The following XKR6 variants were observed in gnomAD, a reference collection of about 807,000 sequenced individuals.
XKR6 encodes the protein XK-related protein 6.
Under a neutral mutation model 56.7 loss-of-function variants are expected in XKR6, and 22 were observed. That is an observed-to-expected ratio of 0.39 (90% CI 0.28 to 0.55). XKR6 has a LOEUF of 0.55. XKR6 is among the 20% of genes least tolerant of loss of function. The pLI is 0.66. For missense variants in XKR6, 852 were observed against 889.0 expected, an observed-to-expected ratio of 0.96 and a Z score of 0.53; for synonymous variants, 524 against 387.8, an observed-to-expected ratio of 1.35 and a Z score of -4.13.
At position 11,124,063 on chromosome 8, in the gene XKR6, T is replaced by G. The variant is rs113104628; in HGVS notation, c.764+76513A>C. 12 of 454,672 alleles carry G rather than the reference T, an allele frequency of 2.6e-5. No individual in the cohort carries two copies. The East Asian group carries it at 7.0e-4, about 26-fold the overall frequency. 28.2% of individuals were successfully genotyped at this position (454,672 alleles called of 1,614,324 possible). A position where few individuals can be genotyped will look rare whatever the true frequency, so the allele number is the denominator to read the frequency against. On this transcript the variant is annotated intron_variant, in intron 1 of 2. Transcript: ENST00000416569. ...GGCCCCTCCTGTCCTGCTTGAGCTC[T>G]CTCTCTCTAGCACGATTTCCTACTA... is the stretch of plus-strand genomic sequence containing the variant.
At chr8:10,979,971 C>T (rs1405005442) in intron 1 of XKR6, among the ~76,000 whole-genome samples, 1 of 152,222 alleles carries the variant, frequency 6.6e-6, no homozygotes, top group Non-Finnish European at 1.5e-5. Flanking sequence ...GTTCACACAC[C>T]ACAACCCAAC....
intron 1 of XKR6, among the ~76,000 whole-genome samples, chr8:10,984,435 C>T (rs181160579): frequency 2.0e-5 from 3 of 152,060 alleles, no homozygotes; most frequent in Non-Finnish European, 2.9e-5. Context: ...CCTGAGGGCA[C>T]TATTCAACTT....
At chr8:11,068,327 G>A (rs1043775642) in intron 1 of XKR6, among the ~76,000 whole-genome samples, 2 of 152,086 alleles carry the variant, frequency 1.3e-5, no homozygotes, top group African/African-American at 2.4e-5. Context: ...CCTGGGATAC[G>A]GTGGGTGGGG....
chr8:11,076,270 C>T (rs769474485), intron 1 of XKR6, among the ~76,000 whole-genome samples: 61 of 152,140 alleles, frequency 4.0e-4, no homozygotes, highest in Non-Finnish European at 8.2e-4. Context: ...TAGTTTTACA[C>T]AGCGATAAAG....
rs76944280 is a variant in XKR6, at chr8:11,199,620, G to A, written c.764+956C>T. Among the ~76,000 whole-genome samples the A allele has an allele frequency of 3.4e-3, 514 of 152,278 alleles. 9 individuals carry two copies. The highest frequency in any genetic ancestry group is 0.021 in the South Asian group (103 of 4,830). On this transcript the variant is annotated intron_variant, in intron 1 of 2. Coordinates refer to ENST00000416569, the MANE Select transcript of XKR6 (RefSeq NM_173683.4). ...ACACACAAGCTAATTTAAGTAAGAG[G>A]GCACAGATGTACCCAGGTGTGAATG...
At chr8:11,153,900 G>A (rs1248787073) in intron 1 of XKR6, among the ~76,000 whole-genome samples, 4 of 152,146 alleles carry the variant, frequency 2.6e-5, no homozygotes, top group African/African-American at 7.2e-5. Flanking sequence ...ATTACCAGGG[G>A]TGAAACGAAT....
At chr8:10,999,001 TGTTCTGAGGGTCA>T in intron 1 of XKR6, among the ~76,000 whole-genome samples, 4 of 152,236 alleles carry the variant, frequency 2.6e-5, no homozygotes, top group Admixed American at 6.5e-5. Context: ...CTCCAGTGAT[TGTTCTGAGGGTCA>T]ACATAAAGGA....
At position 10,898,907 on chromosome 8, in the gene XKR6, G is replaced by A; in HGVS notation, c.971C>T (p.Ser324Phe). Residue 324 changes from serine to phenylalanine, a missense_variant, in exon 3 of 3, where the codon TCT (serine) becomes TTT (phenylalanine). This residue lies in a region of XKR6 where 199 missense variants were observed against 280.4 expected (regional missense o/e 0.71). Transcript: ENST00000416569. This position sits in a 1 kb window ranked among gnomAD's most constrained non-coding sequence, Gnocchi z 6.6. ...AGCCAGGGACATCAGGGAAGTCACAGAGGAGACACCTGCCGGAAAGACACA... is the reference window on the plus strand; with the variant it reads ...AGCCAGGGACATCAGGGAAGTCACAAAGGAGACACCTGCCGGAAAGACACA... The part of the protein sequence containing the change: ...NSAETLPCVS[S>F]VTSLMSLAWV... The A allele has an allele frequency of 6.2e-7, 1 of 1,605,556 alleles. No homozygotes were observed. The highest frequency in any genetic ancestry group is 8.5e-7 in the Non-Finnish European group (1 of 1,175,578).
intron 1 of XKR6, among the ~76,000 whole-genome samples, chr8:11,199,288 C>T (rs1042606758): frequency 6.6e-6 from 1 of 152,228 alleles, no homozygotes; most frequent in Non-Finnish European, 1.5e-5. Flanking sequence ...ATTGCATCTA[C>T]TCTCATGATT....
chr8:11,140,180 A>G (rs545726421), intron 1 of XKR6, among the ~76,000 whole-genome samples: 1 of 152,262 alleles, frequency 6.6e-6, no homozygotes, highest in South Asian at 2.1e-4. Context: ...ATGAATACTA[A>G]AGACAGGCAA....
At chr8:11,045,870 A>T (rs888492411) in intron 1 of XKR6, among the ~76,000 whole-genome samples, 2 of 152,226 alleles carry the variant, frequency 1.3e-5, no homozygotes, top group African/African-American at 4.8e-5. Context: ...AAAATAAAAG[A>T]AAAAGAAAAG....
intron 1 of XKR6, among the ~76,000 whole-genome samples, chr8:11,077,452 T>G (rs776937996): frequency 1.3e-5 from 2 of 152,162 alleles, no homozygotes; most frequent in Non-Finnish European, 2.9e-5. Context: ...AGTATGAGAC[T>G]GTGGCCCTCA....
chr8:11,104,789 C>G (rs1302630734), intron 1 of XKR6: 1 of 152,134 alleles, frequency 6.6e-6, no homozygotes, highest in African/African-American at 2.4e-5. Context: ...GGCCTTTTGG[C>G]TAAGATCAAG....
chr8:11,177,854 A>C (rs948816010), intron 1 of XKR6, among the ~76,000 whole-genome samples: 6 of 152,186 alleles, frequency 3.9e-5, no homozygotes, highest in Non-Finnish European at 7.4e-5. Context: ...GTTTAACCCC[A>C]CCCAGTTCCT....
chr8:10,937,944 CG>C (rs1563298900), intron 1 of XKR6, among the ~76,000 whole-genome samples: 1 of 151,180 alleles, frequency 6.6e-6, no homozygotes. Context: ...TCGAGCTTCC[CG>C]GCTGCTTTGT....
intron 1 of XKR6, chr8:11,108,234 G>T (rs1399964632): frequency 2.2e-6 from 1 of 452,958 alleles, no homozygotes; most frequent in East Asian, 7.0e-5. Context: ...CCATACAATT[G>T]TAAAATCTGT....
chr8:11,059,737 C>T (rs1045829000), intron 1 of XKR6, among the ~76,000 whole-genome samples: 1 of 150,678 alleles, frequency 6.6e-6, no homozygotes, highest in Admixed American at 6.6e-5. Context: ...CCGCGCCCCC[C>T]GGACCCCGCC....
intron 1 of XKR6, among the ~76,000 whole-genome samples, chr8:11,144,573 G>C (rs1011419664): frequency 6.6e-6 from 1 of 151,966 alleles, no homozygotes; most frequent in African/African-American, 2.4e-5. Flanking sequence ...CGAGCAGTTT[G>C]AGTCCCAGAC....
intron 1 of XKR6, among the ~76,000 whole-genome samples, chr8:11,154,718 T>A (rs1248492782): frequency 2.0e-5 from 3 of 152,214 alleles, no homozygotes; most frequent in Admixed American, 1.3e-4. Flanking sequence ...AGTAAGAGTT[T>A]CTAGAATACA....
Sources: gnomAD v4.1 joint callset for allele counts (sites outside exome capture counted in the v4.1 genomes callset) on GRCh38, gnomAD v4.1.1 for gene constraint, gnomAD v4.1.1 regional missense constraint, Gnocchi (gnomAD v3.1) non-coding constraint, MANE v1.5 for transcripts, NCBI Gene and HGNC (gene_info 2026-07-23, HGNC 2026-07-21) for gene names.